Variants in BPTF observed in about 807,000 individuals in gnomAD.
BPTF encodes nucleosome-remodeling factor subunit BPTF.
In BPTF, 18 loss-of-function variants were observed where a neutral mutation model predicts 292.5. The ratio of observed to expected loss-of-function variants is 0.06; its 90% CI spans 0.04 to 0.09. The LOEUF (loss-of-function observed/expected upper bound fraction) is 0.09. Among genes scored for constraint, BPTF ranks in the 10% least tolerant of loss-of-function variants. The pLI, the probability that BPTF is intolerant of heterozygous loss-of-function variation, is 1.00. For synonymous variants in BPTF, 1,225 were observed against 1,251.9 expected, an observed-to-expected ratio of 0.98 and a Z score of 0.45; for missense variants, 2,726 against 3,498.7, an observed-to-expected ratio of 0.78 and a Z score of 5.57.
chr17:67,894,643 AT>A (rs1169094991), intron 7 of BPTF, among the ~76,000 whole-genome samples: 4 of 152,138 alleles, frequency 2.6e-5, no homozygotes, highest in Non-Finnish European at 2.9e-5. Flanking sequence ...ATTAGTTCTT[AT>A]TTGCCATACA....
intron 4 of BPTF, chr17:67,886,254 C>T (rs765896952): frequency 1.8e-5 from 29 of 1,613,854 alleles, no homozygotes; most frequent in Non-Finnish European, 2.0e-5. Flanking sequence ...GCTAAGGCAG[C>T]TGATGATCCT....
intron 2 of BPTF, among the ~76,000 whole-genome samples, chr17:67,861,868 T>A (rs1043053916): frequency 1.2e-3 from 178 of 152,344 alleles, no homozygotes; most frequent in African/African-American, 4.2e-3. Flanking sequence ...CTATTTATGC[T>A]ACTTCCTAGG....
At chr17:67,842,235 A>T (rs140104673) in intron 1 of BPTF, among the ~76,000 whole-genome samples, 2 of 152,290 alleles carry the variant, frequency 1.3e-5, no homozygotes, top group East Asian at 3.9e-4. Context: ...ATATATCTAC[A>T]TACATTGACA....
Position 67,854,001 on chromosome 17 carries a change from G to A in BPTF, c.675G>A (p.Pro225=), listed in dbSNP as rs927797195. 6.2e-6 allele frequency: 10 copies of A among 1,613,944 alleles called. No homozygotes were observed. Among genetic ancestry groups the A allele is most frequent in the Admixed American group, 3.3e-5 (2 of 59,990 alleles). ...CTATATTGGAAGAAAAAGACATCCC[G>A]CCCCTTGAATTTCCCAAGTCCTCTG... ...RSPILEEKDI[P]PLEFPKSSED... is the part of the protein sequence containing the mutation. The change falls in exon 2 of 28, where the codon CCG becomes CCA. Residue 225 remains proline (P), a synonymous_variant. Coordinates refer to ENST00000306378, the MANE Select transcript of BPTF (RefSeq NM_182641.4). This position sits in a 1 kb window ranked among gnomAD's most constrained non-coding sequence, Gnocchi z 5.6.
intron 1 of BPTF, among the ~76,000 whole-genome samples, chr17:67,844,439 G>A (rs1264195370): frequency 6.6e-6 from 1 of 151,620 alleles, no homozygotes; most frequent in African/African-American, 2.4e-5. Flanking sequence ...AGTAGAGATG[G>A]GGTTTCACCG....
chr17:67,900,501 G>A lies in BPTF; in HGVS notation c.2544-3288G>A, dbSNP rs569563385. Among the ~76,000 whole-genome samples the A allele has an allele frequency of 6.1e-4, 92 of 152,000 alleles. 1 individual carries two copies. The South Asian group carries it at 0.019, about 31-fold the overall frequency. ...ATCCCAGCACTTTGGGAGGTGAAGCGGGAGGATTGCTTGAGCCCAGGAGTT... is the reference window on the plus strand; with the variant it reads ...ATCCCAGCACTTTGGGAGGTGAAGCAGGAGGATTGCTTGAGCCCAGGAGTT... On this transcript the variant is annotated intron_variant, in intron 7 of 27. Transcript: ENST00000306378.
At position 67,945,474 on chromosome 17, in the gene BPTF, C is replaced by T; in HGVS notation, c.6766C>T (p.Pro2256Ser). 1 of 1,614,084 alleles carries T rather than the reference C, an allele frequency of 6.2e-7. No homozygotes were observed. Residue 2256 changes from proline (P) to serine (S), a missense_variant, in exon 21 of 28, where the codon CCA (proline) becomes TCA (serine). Around this residue, in one of 22 missense-constraint regions of BPTF, gnomAD observed 570 missense variants for 633.5 expected, o/e 0.90. Transcript: ENST00000306378. The stretch of plus-strand genomic sequence containing the variant: ...GCAGGTACATCAAGACAAAACCCTG[C>T]CACCAGCTCAGTCATCAAGTGTGGG... ...QMQVHQDKTL[P>S]PAQSSSVGPA...
chr17:67,931,507 T>A (rs1029699664), intron 17 of BPTF, among the ~76,000 whole-genome samples: 11 of 152,214 alleles, frequency 7.2e-5, no homozygotes, highest in African/African-American at 1.9e-4. Context: ...AAATAATTTT[T>A]AAAAAACTAT....
At chr17:67,951,487 G>A (rs2066351418) in intron 23 of BPTF, 1 of 152,108 alleles carries the variant, frequency 6.6e-6, no homozygotes, top group African/African-American at 2.4e-5. Flanking sequence ...CACTGTAGAA[G>A]TTTAGCATCA....
intron 2 of BPTF, 31 bp from the exon 3 acceptor site, chr17:67,866,433 A>G (rs1026247976): frequency 6.7e-7 from 1 of 1,502,188 alleles, no homozygotes; most frequent in Admixed American, 1.7e-5. Flanking sequence ...TATGTCTAAC[A>G]TATAAAGTAT....
chr17:67,836,768 C>T (rs1485296501), intron 1 of BPTF, among the ~76,000 whole-genome samples: 1 of 152,242 alleles, frequency 6.6e-6, no homozygotes, highest in African/African-American at 2.4e-5. Flanking sequence ...AATTATTTCA[C>T]ACACTTCTTA....
At chr17:67,870,302 T>G (rs1481695749) in intron 3 of BPTF, among the ~76,000 whole-genome samples, 1 of 150,672 alleles carries the variant, frequency 6.6e-6, no homozygotes, top group Non-Finnish European at 1.5e-5. Flanking sequence ...ATCAACCTGG[T>G]ACTGTAGGAG....
intron 15 of BPTF, among the ~76,000 whole-genome samples, chr17:67,925,180 A>T (rs1422558570): frequency 6.6e-6 from 1 of 152,012 alleles, no homozygotes; most frequent in Non-Finnish European, 1.5e-5. Context: ...CATCTGAAAT[A>T]AGATTTCTAT....
chr17:67,894,205 C>T lies in BPTF; in HGVS notation c.2543+40C>T, dbSNP rs776900081. 4 of 1,585,564 alleles carry T rather than the reference C, an allele frequency of 2.5e-6. No homozygotes were observed. In the Admixed American group the frequency reaches 5.1e-5, roughly 20 times the overall value. On this transcript the variant is annotated intron_variant, in intron 7 of 27. Transcript: ENST00000306378. ...AGCCTTGTAAATGATGAGTATTGGA[C>T]TCCCTTTTGAAATACTAGCCTATTA...
intron 4 of BPTF, among the ~76,000 whole-genome samples, chr17:67,878,241 T>C: frequency 6.6e-6 from 1 of 152,240 alleles, no homozygotes; most frequent in East Asian, 1.9e-4. Context: ...CTTATTCTTT[T>C]TTATTGCAGT....
intron 23 of BPTF, among the ~76,000 whole-genome samples, chr17:67,958,154 C>T (rs1464414994): frequency 1.3e-5 from 2 of 150,884 alleles, no homozygotes; most frequent in Admixed American, 6.6e-5. Context: ...ATGGTGAAAC[C>T]CCATCTCTAC....
chr17:67,869,964 C>CG (rs2059620705), intron 3 of BPTF, among the ~76,000 whole-genome samples: 1 of 140,918 alleles, frequency 7.1e-6, no homozygotes, highest in Admixed American at 7.5e-5. Context: ...TGAGCCACTG[C>CG]ACTCCAGCCT....
At chr17:67,893,227 T>A (rs1022659592) in intron 5 of BPTF, 143 bp from the exon 6 acceptor site, 1 of 638,358 alleles carries the variant, frequency 1.6e-6, no homozygotes, top group Non-Finnish European at 2.8e-6. Flanking sequence ...TTAACTTAGC[T>A]TTTAGACTTC....
chr17:67,873,424 C>T (rs943811584), intron 3 of BPTF, among the ~76,000 whole-genome samples: 5 of 150,162 alleles, frequency 3.3e-5, no homozygotes, highest in Non-Finnish European at 5.9e-5. Context: ...CGCCATTACA[C>T]TCCTGCCTGG....
Sources: gnomAD v4.1 joint callset for allele counts (sites outside exome capture counted in the v4.1 genomes callset) on GRCh38, gnomAD v4.1.1 for gene constraint, gnomAD v4.1.1 regional missense constraint, Gnocchi (gnomAD v3.1) non-coding constraint, MANE v1.5 for transcripts, NCBI Gene and HGNC (gene_info 2026-07-23, HGNC 2026-07-21) for gene names.